Variants in KIFAP3 observed in about 807,000 individuals in gnomAD.
The protein encoded by KIFAP3 is kinesin associated protein 3, also known as kinesin-associated protein 3.
Under a neutral mutation model 106.5 loss-of-function variants are expected in KIFAP3, and 68 were observed. That is an observed-to-expected ratio of 0.64 (90% CI 0.53 to 0.78). The LOEUF (loss-of-function observed/expected upper bound fraction) is 0.78, where lower values mean the gene tolerates loss of function less well. Ranked by LOEUF, KIFAP3 falls within the 30% of genes least tolerant of loss-of-function variation. KIFAP3 has a pLI of 0.00. For missense variants in KIFAP3, 780 were observed against 941.8 expected, an observed-to-expected ratio of 0.83 and a Z score of 2.25; for synonymous variants, 320 against 311.5, an observed-to-expected ratio of 1.03 and a Z score of -0.29.
intron 1 of KIFAP3, chr1:170,067,771 C>A (rs1671517468): frequency 6.6e-6 from 1 of 152,250 alleles, no homozygotes; most frequent in African/African-American, 2.4e-5. Flanking sequence ...CTGCTGGCCC[C>A]TGGGATAAAT....
intron 1 of KIFAP3, among the ~76,000 whole-genome samples, chr1:170,080,592 A>G (rs533924809): frequency 6.6e-6 from 1 of 152,236 alleles, no homozygotes; most frequent in African/African-American, 2.4e-5. Flanking sequence ...AAAGAATAGA[A>G]AGAGAATGAC....
chr1:170,032,130 C>A, intron 7 of KIFAP3, 146 bp from the exon 8 acceptor site: 2 of 558,054 alleles, frequency 3.6e-6, no homozygotes, highest in Non-Finnish European at 3.2e-6. Context: ...ATGTTATCTG[C>A]ATAATAACTG....
chr1:170,001,176 C>A (rs1203022665), intron 10 of KIFAP3, among the ~76,000 whole-genome samples: 1 of 152,016 alleles, frequency 6.6e-6, no homozygotes, highest in African/African-American at 2.4e-5. Flanking sequence ...CCATAGAATA[C>A]AAGTTATTTG....
At chr1:169,970,192 C>T (rs750776734) in intron 17 of KIFAP3, among the ~76,000 whole-genome samples, 4 of 152,036 alleles carry the variant, frequency 2.6e-5, no homozygotes, top group Non-Finnish European at 4.4e-5. Context: ...ATAGGCTTCT[C>T]TCTCCTTGCC....
intron 10 of KIFAP3, among the ~76,000 whole-genome samples, chr1:169,998,698 CTT>C (rs985369695): frequency 2.0e-4 from 30 of 152,196 alleles, no homozygotes; most frequent in African/African-American, 7.2e-4. Flanking sequence ...TATAAACGGT[CTT>C]GTTACCCACA....
In KIFAP3 at chr1:170,046,778, T is replaced by C. The variant is rs747417372; in HGVS notation, c.253A>G (p.Lys85Glu). Residue 85 changes from lysine to glutamate, a missense_variant, in exon 3 of 20, where the codon AAA becomes GAA. This residue lies in a region of KIFAP3 where 588 missense variants were observed against 678.9 expected (regional missense o/e 0.87). Coordinates refer to ENST00000361580, the MANE Select transcript of KIFAP3 (RefSeq NM_014970.4). ...VEECKLIHPS[K>E]LNEVEQLLYY... Reference sequence around the variant, plus strand: ...AACAGCTGTTCTACCTCATTTAGTTTTGAAGGATGAATGAGTTTACATTCT... The same window carrying C: ...AACAGCTGTTCTACCTCATTTAGTTCTGAAGGATGAATGAGTTTACATTCT... The C allele has an allele frequency of 3.1e-6, 5 of 1,611,282 alleles. No homozygotes were observed. Among genetic ancestry groups the C allele is most frequent in the Non-Finnish European group, 2.5e-6 (3 of 1,178,578 alleles).
In KIFAP3 at chr1:170,011,573, C is replaced by T. The variant is rs555549365; in HGVS notation, c.1183+4889G>A. ...TATATAAACATATACACATTACATACACATGTGAGGGTTGGGCTACACTGT... is the reference window on the plus strand; with the variant it reads ...TATATAAACATATACACATTACATATACATGTGAGGGTTGGGCTACACTGT... On this transcript the variant is annotated intron_variant, in intron 10 of 19. Coordinates refer to ENST00000361580, the MANE Select transcript of KIFAP3 (RefSeq NM_014970.4). Among the ~76,000 whole-genome samples the T allele has an allele frequency of 9.9e-5, 15 of 151,766 alleles. No individual in the cohort carries two copies. In the South Asian group the frequency reaches 2.7e-3, roughly 27 times the overall value.
chr1:169,980,688 G>A (rs1025906900), intron 15 of KIFAP3, among the ~76,000 whole-genome samples: 1 of 152,130 alleles, frequency 6.6e-6, no homozygotes, highest in African/African-American at 2.4e-5. Flanking sequence ...GGATCTAGAA[G>A]GGAATATGAT....
chr1:170,004,310 G>T (rs897008275), intron 10 of KIFAP3, among the ~76,000 whole-genome samples: 1 of 151,956 alleles, frequency 6.6e-6, no homozygotes, highest in African/African-American at 2.4e-5. Flanking sequence ...CAATGCCATC[G>T]CCATCAAGCT....
At chr1:170,036,843 T>C (rs1669715442) in intron 5 of KIFAP3, among the ~76,000 whole-genome samples, 1 of 152,162 alleles carries the variant, frequency 6.6e-6, no homozygotes, top group Non-Finnish European at 1.5e-5. Context: ...GTACACAGTT[T>C]ACTGAGAAAC....
chr1:170,063,136 A>C (rs1363679694), intron 1 of KIFAP3, among the ~76,000 whole-genome samples: 2 of 152,174 alleles, frequency 1.3e-5, no homozygotes, highest in Non-Finnish European at 2.9e-5. Context: ...AATTCTGCTA[A>C]GCCAGTAGAT....
intron 17 of KIFAP3, among the ~76,000 whole-genome samples, chr1:169,966,218 T>C (rs1198568144): frequency 6.6e-6 from 1 of 151,858 alleles, no homozygotes; most frequent in African/African-American, 2.4e-5. Context: ...CCACGGTTAT[T>C]TTCTCAGCTC....
intron 17 of KIFAP3, among the ~76,000 whole-genome samples, chr1:169,964,604 G>A (rs775170537): frequency 2.0e-5 from 3 of 152,072 alleles, no homozygotes; most frequent in East Asian, 1.9e-4. Context: ...TTATCCTATC[G>A]TATTCTCAAT....
chr1:170,020,858 T>C (rs61825347), intron 9 of KIFAP3, among the ~76,000 whole-genome samples: 15,886 of 152,248 alleles, frequency 0.1, 991 homozygotes, highest in East Asian at 0.19. Context: ...ATGTATCATA[T>C]ACTAAAACGA....
intron 10 of KIFAP3, among the ~76,000 whole-genome samples, chr1:170,007,736 A>G (rs1368393407): frequency 6.6e-6 from 1 of 152,186 alleles, no homozygotes. Context: ...CAAGCTACCA[A>G]TGAGTTTCTT....
intron 10 of KIFAP3, among the ~76,000 whole-genome samples, chr1:169,995,085 T>A (rs1667303178): frequency 1.3e-5 from 2 of 152,078 alleles, no homozygotes; most frequent in African/African-American, 4.8e-5. Flanking sequence ...GTCCTTGAGT[T>A]TGGAGCAATC....
intron 1 of KIFAP3, among the ~76,000 whole-genome samples, chr1:170,066,000 C>T (rs1404882830): frequency 1.3e-5 from 2 of 152,048 alleles, no homozygotes; most frequent in Non-Finnish European, 1.5e-5. Context: ...TCCTAACAGC[C>T]TTGTGAATTA....
chr1:169,980,216 A>G (rs1666444548), intron 15 of KIFAP3, among the ~76,000 whole-genome samples: 1 of 152,010 alleles, frequency 6.6e-6, no homozygotes, highest in South Asian at 2.1e-4. Context: ...CTGAAAATAC[A>G]TTGAGCTATA....
At chr1:170,074,352 G>T in intron 1 of KIFAP3, 84 bp downstream of exon 1, 2 of 1,383,750 alleles carry the variant, frequency 1.4e-6, no homozygotes, top group Admixed American at 4.2e-5. Flanking sequence ...AACTAGCGTT[G>T]CCCAGTGACA....
Sources: allele counts gnomAD v4.1 joint callset (sites outside exome capture counted in the v4.1 genomes callset), GRCh38; gene constraint gnomAD v4.1.1; regional missense constraint gnomAD v4.1.1; transcripts MANE v1.5; gene names NCBI Gene and HGNC (gene_info 2026-07-23, HGNC 2026-07-21).